KIAA1217: variants seen among roughly 807,000 people sequenced by gnomAD.
KIAA1217 encodes the protein KIAA1217.
Under a neutral mutation model 163.9 loss-of-function variants are expected in KIAA1217, and 88 were observed. The ratio of observed to expected loss-of-function variants is 0.54; its 90% CI spans 0.45 to 0.64. The LOEUF is 0.64. Among genes scored for constraint, KIAA1217 ranks in the 30% least tolerant of loss-of-function variants. KIAA1217 has a pLI of 0.00. For synonymous variants in KIAA1217, 903 were observed against 923.1 expected (o/e 0.98, Z 0.39); for missense variants, 2,372 against 2,475.0 (o/e 0.96, Z 0.88).
At chr10:24,469,554 A>G (rs1474099612) in intron 5 of KIAA1217, among the ~76,000 whole-genome samples, 1 of 152,340 alleles carries the variant, frequency 6.6e-6, no homozygotes, top group African/African-American at 2.4e-5. Context: ...GAGAACAGGG[A>G]ATAGTGACTG....
intron 1 of KIAA1217, among the ~76,000 whole-genome samples, chr10:23,990,492 A>C (rs11013832): frequency 0.21 from 32,412 of 152,076 alleles, 3,806 homozygotes; most frequent in South Asian, 0.29. Context: ...CAATCAAAAG[A>C]ATCCACACCC....
At chr10:24,136,365 A>G (rs12415248) in intron 2 of KIAA1217, among the ~76,000 whole-genome samples, 54,163 of 152,070 alleles carry the variant, frequency 0.36, 10,323 homozygotes, top group South Asian at 0.48. Context: ...AATTTTTTAA[A>G]TTCTAGTTGA....
intron 1 of KIAA1217, among the ~76,000 whole-genome samples, chr10:23,912,219 A>T (rs763069836): frequency 8.5e-5 from 13 of 152,202 alleles, no homozygotes; most frequent in Non-Finnish European, 1.2e-4. Context: ...TTAGCCTTCT[A>T]GAGCTGTTGT....
chr10:24,416,634 C>T (rs1182220982), intron 3 of KIAA1217, among the ~76,000 whole-genome samples: 2 of 152,166 alleles, frequency 1.3e-5, no homozygotes, highest in East Asian at 3.8e-4. Context: ...CCGAGGATGC[C>T]AGATTTGATT....
intron 9 of KIAA1217, among the ~76,000 whole-genome samples, chr10:24,504,368 C>A (rs1442001392): frequency 6.6e-6 from 1 of 152,172 alleles, no homozygotes; most frequent in Non-Finnish European, 1.5e-5. Flanking sequence ...TGTTTCCTAA[C>A]CTGGCTGTTA....
intron 1 of KIAA1217, among the ~76,000 whole-genome samples, chr10:23,986,866 A>G (rs1456013565): frequency 1.3e-5 from 2 of 152,222 alleles, no homozygotes; most frequent in Non-Finnish European, 2.9e-5. Context: ...TGAATCTGTC[A>G]TGCGTCAGAG....
At chr10:23,712,832 A>G (rs1223390878) in intron 1 of KIAA1217, among the ~76,000 whole-genome samples, 1 of 152,182 alleles carries the variant, frequency 6.6e-6, no homozygotes, top group Non-Finnish European at 1.5e-5. Context: ...GAATAAATTT[A>G]CTATGCCGTG....
intron 2 of KIAA1217, among the ~76,000 whole-genome samples, chr10:24,035,053 G>T (rs1284197446): frequency 2.6e-5 from 4 of 152,062 alleles, no homozygotes; most frequent in South Asian, 2.1e-4. Context: ...TGTGTGGATT[G>T]CGGCCAGACT....
At chr10:23,956,885 T>A (rs571025508) in intron 1 of KIAA1217, among the ~76,000 whole-genome samples, 3 of 152,044 alleles carry the variant, frequency 2.0e-5, no homozygotes, top group African/African-American at 7.2e-5. Flanking sequence ...TCCATCCCCA[T>A]CCCCAAATAC....
intron 1 of KIAA1217, among the ~76,000 whole-genome samples, chr10:24,209,755 A>G (rs544487131): frequency 6.6e-6 from 1 of 152,274 alleles, no homozygotes; most frequent in East Asian, 1.9e-4. Context: ...TATTTTACAG[A>G]TCCGAGCAGC....
chr10:24,503,447 G>A (rs2067931657), intron 9 of KIAA1217, among the ~76,000 whole-genome samples: 1 of 152,216 alleles, frequency 6.6e-6, no homozygotes, highest in African/African-American at 2.4e-5. Flanking sequence ...TACGGGTTGG[G>A]CTGGGTTGTG....
In KIAA1217 at chr10:24,473,891, G is replaced by T; in HGVS notation, c.1510G>T (p.Ala504Ser). The change falls in exon 6 of 21, where the codon GCC (alanine) becomes TCC (serine). Residue 504 changes from alanine to serine, a missense_variant. Ala to Ser is a moderately conservative substitution (Grantham distance 99, BLOSUM62 1). Coordinates refer to ENST00000376454, the MANE Select transcript of KIAA1217 (RefSeq NM_019590.5). ...GPPHTMQPDRASPSRQAFKKE... is the reference protein window; with the variant it reads ...GPPHTMQPDRSSPSRQAFKKE... ...CCCTCACACCATGCAGCCAGACCGG[G>T]CCTCTCCGAGCCGCCAGGCCTTTAA... is the stretch of plus-strand genomic sequence containing the variant. 1 of 1,614,096 alleles carries T rather than the reference G, an allele frequency of 6.2e-7. No homozygotes were observed. The highest frequency in any genetic ancestry group is 8.5e-7 in the Non-Finnish European group (1 of 1,180,022).
rs1193605935 is a variant in KIAA1217 at position 24,089,025 on chromosome 10, T to G, written c.-171+81651T>G. Among the ~76,000 whole-genome samples the G allele has an allele frequency of 2.4e-5, 3 of 125,662 alleles. 1 individual carries two copies. Among genetic ancestry groups the G allele is most frequent in the Non-Finnish European group, 5.9e-5 (3 of 50,818 alleles). The allele number at this position is 125,662 out of a possible 152,430, so 82.4% of individuals were successfully genotyped here. A position where few individuals can be genotyped will look rare whatever the true frequency, so the allele number is the denominator to read the frequency against. ...GATGATATCTCACTGTGGTTTTGAT[T>G]TGCATTTCTCTGATGGCCAGTGGTG... On this transcript the variant is annotated intron_variant, in intron 2 of 18. Transcript: ENST00000376462.
intron 1 of KIAA1217, among the ~76,000 whole-genome samples, chr10:23,841,755 G>A (rs1838794538): frequency 6.6e-6 from 1 of 152,042 alleles, no homozygotes; most frequent in Non-Finnish European, 1.5e-5. Flanking sequence ...ATGTTGAGGT[G>A]TCTCTCAGAA....
At chr10:23,718,195 C>T (rs1302234196) in intron 1 of KIAA1217, among the ~76,000 whole-genome samples, 5 of 152,150 alleles carry the variant, frequency 3.3e-5, no homozygotes, top group Non-Finnish European at 7.4e-5. Context: ...TGAATTTCCT[C>T]TCTTTTTACC....
intron 1 of KIAA1217, among the ~76,000 whole-genome samples, chr10:23,989,587 C>T (rs536610456): frequency 6.6e-6 from 1 of 152,114 alleles, no homozygotes; most frequent in Non-Finnish European, 1.5e-5. Context: ...AGACTTTTTG[C>T]TTCTGTGGTT....
At chr10:24,321,166 C>T (rs1268720131) in intron 2 of KIAA1217, among the ~76,000 whole-genome samples, 3 of 152,156 alleles carry the variant, frequency 2.0e-5, no homozygotes, top group African/African-American at 7.2e-5. Flanking sequence ...TTTCACTTCT[C>T]TGTACCCAAA....
chr10:24,441,107 A>G (rs1255300100), intron 5 of KIAA1217, among the ~76,000 whole-genome samples: 4 of 152,184 alleles, frequency 2.6e-5, no homozygotes, highest in Admixed American at 6.5e-5. Context: ...TGTAGACTAA[A>G]CCACGCTGCA....
chr10:24,523,562 C>T (rs1432471692), intron 12 of KIAA1217, among the ~76,000 whole-genome samples: 1 of 152,186 alleles, frequency 6.6e-6, no homozygotes, highest in African/African-American at 2.4e-5. Context: ...CCATGTTTGA[C>T]ATTGCCTCAC....
Sources: allele counts gnomAD v4.1 joint callset (sites outside exome capture counted in the v4.1 genomes callset), GRCh38; gene constraint gnomAD v4.1.1; transcripts MANE v1.5; gene names NCBI Gene and HGNC (gene_info 2026-07-23, HGNC 2026-07-21).